The following ELOC variants were observed in gnomAD, a reference collection of about 807,000 sequenced individuals.
ELOC encodes elongin C, also known as elongin-C.
For synonymous variants in ELOC, 40 were observed against 51.3 expected (o/e 0.78, Z 0.94); for missense variants, 38 against 139.0 (o/e 0.27, Z 3.65).
intron 3 of ELOC, among the ~76,000 whole-genome samples, chr8:73,948,036 T>C (rs987896352): frequency 6.6e-6 from 1 of 152,026 alleles, no homozygotes; most frequent in Admixed American, 6.6e-5. Flanking sequence ...GTACTAAAAA[T>C]ACAAAATTAG....
chr8:73,967,954 TCA>T (rs1251190658), intron 1 of ELOC, among the ~76,000 whole-genome samples: 9 of 152,320 alleles, frequency 5.9e-5, no homozygotes, highest in Non-Finnish European at 2.9e-5. Flanking sequence ...TCCTCGAGGT[TCA>T]CAGATAAGCA....
intron 3 of ELOC, among the ~76,000 whole-genome samples, chr8:73,952,044 C>T (rs1277361172): frequency 6.6e-6 from 1 of 152,096 alleles, no homozygotes; most frequent in East Asian, 1.9e-4. Flanking sequence ...AGAGCCAAAC[C>T]CATAAAACGC....
chr8:73,946,887 C>T (rs1243932032), intron 3 of ELOC, 67 bp from the exon 4 acceptor site: 3 of 1,370,128 alleles, frequency 2.2e-6, no homozygotes, highest in East Asian at 2.3e-5. Flanking sequence ...ATGTTGAAGT[C>T]TTAACCCCTT....
At chr8:73,954,214 G>C (rs1813980549) in intron 3 of ELOC, among the ~76,000 whole-genome samples, 1 of 152,198 alleles carries the variant, frequency 6.6e-6, no homozygotes, top group African/African-American at 2.4e-5. Context: ...AATGAGTATG[G>C]AGCTTGCTTT....
chr8:73,959,101 C>A (rs1428843645), intron 2 of ELOC, among the ~76,000 whole-genome samples: 1 of 152,114 alleles, frequency 6.6e-6, no homozygotes, highest in Non-Finnish European at 1.5e-5. Flanking sequence ...AGGGCACTCA[C>A]GATGAATGGA....
At chr8:73,960,765 GC>G (rs1438409972) in intron 1 of ELOC, among the ~76,000 whole-genome samples, 1 of 152,106 alleles carries the variant, frequency 6.6e-6, no homozygotes, top group Non-Finnish European at 1.5e-5. Flanking sequence ...GCAAATATTT[GC>G]TTGAATGAAT....
chr8:73,964,461 T>G (rs1444808055), intron 1 of ELOC: 1 of 152,098 alleles, frequency 6.6e-6, no homozygotes, highest in Non-Finnish European at 1.5e-5. Context: ...ATAAGGCTAC[T>G]AGAAGAAAAC....
At chr8:73,964,789 C>T (rs1814855090) in intron 1 of ELOC, among the ~76,000 whole-genome samples, 1 of 152,056 alleles carries the variant, frequency 6.6e-6, no homozygotes, top group Admixed American at 6.6e-5. Flanking sequence ...TTTGGGAGGC[C>T]AAGGCAAGCT....
intron 1 of ELOC, among the ~76,000 whole-genome samples, chr8:73,964,093 C>CAA (rs61094442): frequency 0.014 from 1,101 of 80,308 alleles, 97 homozygotes; most frequent in African/African-American, 0.049. Context: ...AATTCCGTCT[C>CAA]AAAAAAAAAA....
At chr8:73,959,628 G>A in intron 2 of ELOC, 137 bp downstream of exon 2, 3 of 647,714 alleles carry the variant, frequency 4.6e-6, no homozygotes, top group Non-Finnish European at 7.7e-6. Context: ...TGACTGTGTA[G>A]TAAACATAAG....
chr8:73,966,503 TG>T (rs1347137445), intron 1 of ELOC, among the ~76,000 whole-genome samples: 9 of 144,888 alleles, frequency 6.2e-5, no homozygotes, highest in Admixed American at 3.5e-4. Context: ...TTTTTTTTTT[TG>T]AGACAAGTTC....
At chr8:73,957,575 T>C (rs1814277892) in intron 2 of ELOC, among the ~76,000 whole-genome samples, 1 of 152,104 alleles carries the variant, frequency 6.6e-6, no homozygotes, top group Non-Finnish European at 1.5e-5. Flanking sequence ...ATCTCTAAAA[T>C]TAAAATTAGT....
chr8:73,960,904 G>A (rs1814543833), intron 1 of ELOC, among the ~76,000 whole-genome samples: 1 of 152,054 alleles, frequency 6.6e-6, no homozygotes, highest in Admixed American at 6.6e-5. Flanking sequence ...CTGAACCCAG[G>A]AGACTGAGAC....
intron 1 of ELOC, among the ~76,000 whole-genome samples, chr8:73,963,691 C>A (rs1162545121): frequency 1.3e-5 from 2 of 152,042 alleles, no homozygotes; most frequent in Non-Finnish European, 2.9e-5. Context: ...AGATCACTCA[C>A]AAAAATACAC....
intron 3 of ELOC, among the ~76,000 whole-genome samples, chr8:73,949,973 T>G (rs1416610940): frequency 1.3e-5 from 2 of 152,164 alleles, no homozygotes; most frequent in Admixed American, 1.3e-4. Context: ...TTCATCAGAT[T>G]CATCAGAGCC....
In ELOC at chr8:73,967,256, T is replaced by C. The variant is rs544848618; in HGVS notation, c.-51+4821A>G. On this transcript the variant is annotated intron_variant, in intron 1 of 3. Transcript: ENST00000520242. ...TCTCCTCCACCCGTATCCTGGAATT[T>C]ACATTTTTAGTGTGGGGGTTGACAC... is the stretch of plus-strand genomic sequence containing the variant. 5.9e-5 allele frequency among the ~76,000 whole-genome samples: 9 copies of C among 152,178 alleles called. 1 individual carries two copies. The South Asian group carries it at 1.9e-3, about 32-fold the overall frequency.
intron 1 of ELOC, among the ~76,000 whole-genome samples, chr8:73,971,246 T>C (rs1045389648): frequency 1.3e-5 from 2 of 151,412 alleles, no homozygotes; most frequent in African/African-American, 4.9e-5. Flanking sequence ...TCTCTACTAA[T>C]AATAGATTAG....
chr8:73,971,522 G>C (rs755273130), intron 1 of ELOC, among the ~76,000 whole-genome samples: 1 of 152,070 alleles, frequency 6.6e-6, no homozygotes, highest in Non-Finnish European at 1.5e-5. Flanking sequence ...AGTTCCTTAA[G>C]AGAAACTCAA....
At chr8:73,947,294 G>A (rs1056273914) in intron 3 of ELOC, among the ~76,000 whole-genome samples, 1 of 151,942 alleles carries the variant, frequency 6.6e-6, no homozygotes, top group Non-Finnish European at 1.5e-5. Context: ...GCCATGATTG[G>A]TATTCTCGTA....
Sources: allele counts gnomAD v4.1 joint callset (sites outside exome capture counted in the v4.1 genomes callset), GRCh38; gene constraint gnomAD v4.1.1; transcripts MANE v1.5; gene names NCBI Gene and HGNC (gene_info 2026-07-23, HGNC 2026-07-21).